The following USP32 variants were observed in gnomAD, a reference collection of about 807,000 sequenced individuals.
USP32 encodes the protein ubiquitin specific peptidase 32.
A neutral mutation model predicts 204.8 loss-of-function variants in USP32; 59 were observed. The observed-to-expected ratio is 0.29, with a 90% CI of 0.23 to 0.36. The LOEUF (loss-of-function observed/expected upper bound fraction) is 0.36. USP32 is among the 10% of genes least tolerant of loss of function. The pLI is 1.00. For missense variants in USP32, 1,160 were observed against 1,946.4 expected (o/e 0.60, Z 7.60); for synonymous variants, 517 against 678.4 (o/e 0.76, Z 3.70).
chr17:60,187,811 T>C (rs1343935872), intron 29 of USP32, among the ~76,000 whole-genome samples: 1 of 152,180 alleles, frequency 6.6e-6, no homozygotes, highest in Non-Finnish European at 1.5e-5. Context: ...TCCTCTACTA[T>C]TGTTTAAATA....
At chr17:60,253,735 C>A (rs2086226961) in intron 10 of USP32, among the ~76,000 whole-genome samples, 1 of 152,016 alleles carries the variant, frequency 6.6e-6, no homozygotes, top group African/African-American at 2.4e-5. Flanking sequence ...CCACTGCACT[C>A]CAGCCTGGGC....
chr17:60,305,921 C>T (rs368825356), intron 2 of USP32, among the ~76,000 whole-genome samples: 1 of 152,230 alleles, frequency 6.6e-6, no homozygotes, highest in East Asian at 1.9e-4. Context: ...ACAGCAATAA[C>T]CTAGAATCAT....
intron 12 of USP32, 22 bp downstream of exon 12, chr17:60,236,116 A>T: frequency 6.3e-7 from 1 of 1,596,882 alleles, no homozygotes. Context: ...GAAAAATGTA[A>T]ATAGACAGGA....
intron 2 of USP32, among the ~76,000 whole-genome samples, chr17:60,308,587 G>A (rs2087783036): frequency 6.6e-6 from 1 of 152,176 alleles, no homozygotes; most frequent in Non-Finnish European, 1.5e-5. Flanking sequence ...GGAAAGAACA[G>A]TCTTTTCAAT....
At chr17:60,195,337 A>G (rs2084487452) in intron 27 of USP32, among the ~76,000 whole-genome samples, 6 of 151,954 alleles carry the variant, frequency 3.9e-5, no homozygotes, top group Admixed American at 3.9e-4. Context: ...CTCCTTCTCA[A>G]TCTTACTCTC....
At chr17:60,386,657 G>A in intron 1 of USP32, among the ~76,000 whole-genome samples, 1 of 152,144 alleles carries the variant, frequency 6.6e-6, no homozygotes, top group East Asian at 1.9e-4. Flanking sequence ...TCACTGTAAA[G>A]TCTCACTAAG....
intron 11 of USP32, among the ~76,000 whole-genome samples, chr17:60,243,008 G>A (rs1047628144): frequency 4.6e-5 from 7 of 152,158 alleles, no homozygotes; most frequent in East Asian, 3.8e-4. Context: ...ATCCATTTAC[G>A]TACATTTTCT....
chr17:60,276,966 T>TATATATAA (rs60544670), intron 5 of USP32, among the ~76,000 whole-genome samples: 40 of 149,888 alleles, frequency 2.7e-4, no homozygotes, highest in Admixed American at 8.6e-4. Flanking sequence ...TATATATATA[T>TATATATAA]AAAATTACCA....
intron 18 of USP32, among the ~76,000 whole-genome samples, chr17:60,212,875 TCCTGAGTAGCTGGGACTACAGGC>T (rs1269846375): frequency 4.6e-5 from 7 of 152,060 alleles, no homozygotes; most frequent in Non-Finnish European, 1.0e-4. Flanking sequence ...TGCCTCAGCT[TCCTGAGTAGCTGGGACTACAGGC>T]ACGTGCCACC....
intron 3 of USP32, among the ~76,000 whole-genome samples, chr17:60,296,432 T>C (rs1399541109): frequency 1.3e-5 from 2 of 152,142 alleles, no homozygotes; most frequent in South Asian, 2.1e-4. Context: ...ATTAGAACGA[T>C]ATAGCTGCAG....
At chr17:60,298,182 A>G (rs1291513243) in intron 3 of USP32, among the ~76,000 whole-genome samples, 1 of 152,222 alleles carries the variant, frequency 6.6e-6, no homozygotes, top group Non-Finnish European at 1.5e-5. Context: ...AACAGTATGC[A>G]TGTGTCAGGA....
At chr17:60,422,038 G>C in intron 1 of USP32, 10 of 770,702 alleles carry the variant, frequency 1.3e-5, no homozygotes, top group East Asian at 1.3e-4. Context: ...ACCCAGCACG[G>C]AGGGCTTATT....
chr17:60,288,708 G>A (rs986169770), intron 4 of USP32, 26 bp from the exon 5 acceptor site: 32 of 1,581,090 alleles, frequency 2.0e-5, no homozygotes, highest in Non-Finnish European at 2.5e-5. Context: ...GAAAACATAA[G>A]TTTAGTCAAA....
chr17:60,304,693 G>A (rs2087679714), intron 2 of USP32, among the ~76,000 whole-genome samples: 3 of 152,110 alleles, frequency 2.0e-5, no homozygotes, highest in Admixed American at 2.0e-4. Context: ...ACACATAAAT[G>A]TTGTCTATAC....
chr17:60,393,564 T>C (rs1419423414), upstream of USP32, among the ~76,000 whole-genome samples: 1 of 152,142 alleles, frequency 6.6e-6, no homozygotes, highest in Non-Finnish European at 1.5e-5. Flanking sequence ...AGTAACCATT[T>C]GGATTAGATT....
chr17:60,264,859 A>AAAC (rs2086549405), intron 9 of USP32, among the ~76,000 whole-genome samples: 2 of 140,188 alleles, frequency 1.4e-5, no homozygotes, highest in African/African-American at 5.3e-5. Flanking sequence ...GACTCTGTCA[A>AAAC]AAAAAAAAAA....
chr17:60,198,972 T>C (rs2084599376), intron 26 of USP32, among the ~76,000 whole-genome samples: 1 of 152,000 alleles, frequency 6.6e-6, no homozygotes, highest in South Asian at 2.1e-4. Context: ...TACAATTAGC[T>C]GGGCATGGTG....
chr17:60,283,362 A>C (rs1379029021), intron 5 of USP32, among the ~76,000 whole-genome samples: 1 of 152,232 alleles, frequency 6.6e-6, no homozygotes, highest in Admixed American at 6.5e-5. Context: ...AAGGAATTTA[A>C]ACAAAGGTTT....
intron 1 of USP32, among the ~76,000 whole-genome samples, chr17:60,386,365 A>T (rs1261800922): frequency 2.4e-4 from 15 of 63,626 alleles, no homozygotes; most frequent in Admixed American, 5.2e-4. Flanking sequence ...TTCATAAATT[A>T]AAAAAAAAAA....
Sources: allele counts gnomAD v4.1 joint callset (sites outside exome capture counted in the v4.1 genomes callset), GRCh38; gene constraint gnomAD v4.1.1; transcripts MANE v1.5; gene names NCBI Gene and HGNC (gene_info 2026-07-23, HGNC 2026-07-21).